RFTN1: variants seen among roughly 807,000 people sequenced by gnomAD.
RFTN1 encodes raftlin, lipid raft linker 1, also known as raftlin.
A neutral mutation model predicts 46.5 loss-of-function variants in RFTN1; 26 were observed. The ratio of observed to expected loss-of-function variants is 0.56; its 90% CI spans 0.41 to 0.78. The LOEUF is 0.78. Ranked by LOEUF, RFTN1 falls within the 30% of genes least tolerant of loss-of-function variation. The probability of loss-of-function intolerance (pLI) is 0.00; values close to 1 mark genes in which losing one functional copy is unlikely to be tolerated. For synonymous variants in RFTN1, 261 were observed against 284.2 expected (o/e 0.92, Z 0.82); for missense variants, 693 against 718.7 (o/e 0.96, Z 0.41).
rs918879678 is a variant in RFTN1 at position 16,499,453 on chromosome 3, T to C, written c.-8-5576A>G. On this transcript the variant is annotated intron_variant, in intron 1 of 9. Transcript: ENST00000334133. The surrounding 1 kb of genome is among the most constrained non-coding windows in gnomAD (Gnocchi z 4.9). ...TCAAGTAGCCCCAAAGAGGGGCCCATGTGGAGAGGAACCGACAGCCAGGAC... is the reference window on the plus strand; with the variant it reads ...TCAAGTAGCCCCAAAGAGGGGCCCACGTGGAGAGGAACCGACAGCCAGGAC... 2.6e-5 allele frequency among the ~76,000 whole-genome samples: 4 copies of C among 152,130 alleles called. No homozygotes were observed. Among genetic ancestry groups the C allele is most frequent in the Non-Finnish European group, 4.4e-5 (3 of 68,006 alleles).
chr3:16,324,585 C>T (rs1359664517), intron 8 of RFTN1, among the ~76,000 whole-genome samples: 1 of 144,060 alleles, frequency 6.9e-6, no homozygotes, highest in Non-Finnish European at 1.5e-5. Context: ...CCAGGCTCAT[C>T]CTTGTAATAA....
At chr3:16,510,191 T>A (rs2076872628) in intron 1 of RFTN1, among the ~76,000 whole-genome samples, 1 of 152,160 alleles carries the variant, frequency 6.6e-6, no homozygotes, top group African/African-American at 2.4e-5. Flanking sequence ...CAAAGCCAAA[T>A]CTGACCTGCC....
rs773303927 is a variant in RFTN1, at chr3:16,322,024, G to C, written c.1332+1352C>G. On this transcript the variant is annotated intron_variant, in intron 9 of 9. Transcript: ENST00000334133. This position sits in a 1 kb window ranked among gnomAD's most constrained non-coding sequence, Gnocchi z 6.2. The stretch of plus-strand genomic sequence containing the variant: ...ATCTCCCTCTGTAAGGCTGCAGCGG[G>C]TGTCTGTCAGCATCTGACAGGGGCC... Among the ~76,000 whole-genome samples the C allele has an allele frequency of 2.0e-5, 3 of 152,242 alleles. No individual in the cohort carries two copies. Among genetic ancestry groups the C allele is most frequent in the Non-Finnish European group, 4.4e-5 (3 of 68,050 alleles).
At chr3:16,405,699 A>G (rs2074840319) in intron 4 of RFTN1, among the ~76,000 whole-genome samples, 1 of 152,204 alleles carries the variant, frequency 6.6e-6, no homozygotes, top group Non-Finnish European at 1.5e-5. Context: ...AATTTAAAAC[A>G]TTTGGTGGAA....
chr3:16,397,972 C>T (rs566228400), intron 4 of RFTN1, among the ~76,000 whole-genome samples: 5 of 152,198 alleles, frequency 3.3e-5, no homozygotes, highest in Non-Finnish European at 5.9e-5. Flanking sequence ...ATGGGCCGGG[C>T]GCGGTGGCTC....
At position 16,433,740 on chromosome 3, in the gene RFTN1, G is replaced by A. The variant is rs528160408; in HGVS notation, c.332+111C>T. 8.0e-6 allele frequency: 9 copies of A among 1,128,292 alleles called. No homozygotes were observed. The highest frequency in any genetic ancestry group is 1.2e-5 in the Non-Finnish European group (9 of 749,292). The allele number at this position is 1,128,292 out of a possible 1,614,324, so 69.9% of individuals were successfully genotyped here. A position where few individuals can be genotyped will look rare whatever the true frequency, so the allele number is the denominator to read the frequency against. On this transcript the variant is annotated intron_variant, in intron 3 of 9. Coordinates refer to ENST00000334133, the MANE Select transcript of RFTN1 (RefSeq NM_015150.2). This position sits in a 1 kb window ranked among gnomAD's most constrained non-coding sequence, Gnocchi z 4.4. ...TCACCTGTCTGAGGGCTGAGGCCCT[G>A]AGGACAGCATGCAAATTTCAACCCC...
At position 16,500,572 on chromosome 3, in the gene RFTN1, A is replaced by G. The variant is rs1311507066; in HGVS notation, c.-8-6695T>C. On this transcript the variant is annotated intron_variant, in intron 1 of 9. Coordinates refer to ENST00000334133, the MANE Select transcript of RFTN1 (RefSeq NM_015150.2). This position sits in a 1 kb window ranked among gnomAD's most constrained non-coding sequence, Gnocchi z 5.9. ...CTAAAGAGGAAAATAAAGTAATCAG[A>G]AGAAGGTTCCGAGACCCGAACTGCA... Among the ~76,000 whole-genome samples, 3 of 152,332 alleles carry G rather than the reference A, an allele frequency of 2.0e-5. No homozygotes were observed. Among genetic ancestry groups the G allele is most frequent in the Non-Finnish European group, 4.4e-5 (3 of 68,018 alleles).
In RFTN1 at chr3:16,337,741, A is replaced by C. The variant is rs2070996140; in HGVS notation, c.1147-10865T>G. On this transcript the variant is annotated intron_variant, in intron 7 of 9. Transcript: ENST00000334133. This position sits in a 1 kb window ranked among gnomAD's most constrained non-coding sequence, Gnocchi z 5.0. Reference sequence around the variant, plus strand: ...TGGCGACAGAGCGAGACTCCATCTCAAAAAAAAAAAAAAAAAGAAAAGAAA... The same window carrying C: ...TGGCGACAGAGCGAGACTCCATCTCCAAAAAAAAAAAAAAAAGAAAAGAAA... Among the ~76,000 whole-genome samples the C allele has an allele frequency of 1.3e-5, 1 of 74,202 alleles. No individual in the cohort carries two copies. Among genetic ancestry groups the C allele is most frequent in the Admixed American group, 1.3e-4 (1 of 7,938 alleles). The allele number at this position is 74,202 out of a possible 152,430, so 48.7% of individuals were successfully genotyped here.
intron 1 of RFTN1, among the ~76,000 whole-genome samples, chr3:16,496,542 T>C (rs2076629005): frequency 6.6e-6 from 1 of 152,198 alleles, no homozygotes. Flanking sequence ...TTAACAGGCA[T>C]CTACCAGAAT....
chr3:16,413,180 AC>A lies in RFTN1; in HGVS notation c.333-3698del, dbSNP rs776127769. On this transcript the variant is annotated intron_variant, in intron 3 of 9. Coordinates refer to ENST00000334133, the MANE Select transcript of RFTN1 (RefSeq NM_015150.2). This position sits in a 1 kb window ranked among gnomAD's most constrained non-coding sequence, Gnocchi z 4.7. ...GGCAGTTTCATGCTTAGAACAGGCC[AC>A]CCACTGGTGACCAGGCCTAGGCCCA... Among the ~76,000 whole-genome samples the A allele has an allele frequency of 3.3e-5, 5 of 152,240 alleles. No homozygotes were observed. The highest frequency in any genetic ancestry group is 4.8e-5 in the African/African-American group (2 of 41,460).
chr3:16,494,153 A>T (rs866191977), intron 1 of RFTN1, among the ~76,000 whole-genome samples: 1 of 152,140 alleles, frequency 6.6e-6, no homozygotes, highest in Middle Eastern at 3.4e-3. Context: ...TTTTTTCCCC[A>T]TCTGAGGAAA....
chr3:16,471,499 G>A (rs755905424), intron 2 of RFTN1, among the ~76,000 whole-genome samples: 3 of 152,180 alleles, frequency 2.0e-5, no homozygotes, highest in Non-Finnish European at 4.4e-5. Flanking sequence ...ATAGCAACTT[G>A]GTGCACAGTC....
intron 4 of RFTN1, among the ~76,000 whole-genome samples, chr3:16,386,670 G>A (rs2074187111): frequency 6.6e-6 from 1 of 152,206 alleles, no homozygotes; most frequent in Non-Finnish European, 1.5e-5. Context: ...GCAATGAGAT[G>A]CCATCATGAC....
chr3:16,488,758 C>A (rs1465246945), intron 2 of RFTN1, among the ~76,000 whole-genome samples: 1 of 152,214 alleles, frequency 6.6e-6, no homozygotes, highest in Non-Finnish European at 1.5e-5. Flanking sequence ...CCTCTTTGGG[C>A]AAGTTACTTA....
At chr3:16,482,056 C>T (rs540629671) in intron 2 of RFTN1, among the ~76,000 whole-genome samples, 1 of 152,236 alleles carries the variant, frequency 6.6e-6, no homozygotes, top group Admixed American at 6.5e-5. Flanking sequence ...TTGACCAACA[C>T]TCATGTTCTT....
intron 3 of RFTN1, among the ~76,000 whole-genome samples, chr3:16,414,433 C>G (rs2075036052): frequency 1.3e-5 from 2 of 151,830 alleles, no homozygotes; most frequent in African/African-American, 2.4e-5. Context: ...ATGGCAAACC[C>G]CCATCTCTAC....
At position 16,433,910 on chromosome 3, in the gene RFTN1, C is replaced by T. The variant is rs756825841; in HGVS notation, c.273G>A (p.Glu91=). The T allele has an allele frequency of 4.3e-6, 7 of 1,614,198 alleles. No homozygotes were observed. Among genetic ancestry groups the T allele is most frequent in the South Asian group, 3.3e-5 (3 of 91,082 alleles). ...ALHPFVQPTH[E]REKTPLEHIF... is the part of the protein sequence containing the mutation. Reference sequence around the variant, plus strand: ...TGTGCTCCAGGGGCGTCTTCTCCCGCTCATGGGTGGGCTGCACGAAGGGGT... The same window carrying T: ...TGTGCTCCAGGGGCGTCTTCTCCCGTTCATGGGTGGGCTGCACGAAGGGGT... The change falls in exon 3 of 10, where the codon GAG becomes GAA. Residue 91 remains glutamate (E), a synonymous_variant. Transcript: ENST00000334133. This position sits in a 1 kb window ranked among gnomAD's most constrained non-coding sequence, Gnocchi z 4.4.
Position 16,356,329 on chromosome 3 carries a change from C to G in RFTN1, c.1146+1603G>C, listed in dbSNP as rs1478228930. ...TGGGGCTGATCTCACACCAGGCTGT[C>G]ACCTGGTTCCTGACTTCCCTCAGGA... On this transcript the variant is annotated intron_variant, in intron 7 of 9. Coordinates refer to ENST00000334133, the MANE Select transcript of RFTN1 (RefSeq NM_015150.2). The surrounding 1 kb of genome is among the most constrained non-coding windows in gnomAD (Gnocchi z 4.9). Among the ~76,000 whole-genome samples, 1 of 152,316 alleles carries G rather than the reference C, an allele frequency of 6.6e-6. No homozygotes were observed. Among genetic ancestry groups the G allele is most frequent in the East Asian group, 1.9e-4 (1 of 5,180 alleles).
intron 4 of RFTN1, among the ~76,000 whole-genome samples, chr3:16,394,493 T>C (rs1346628132): frequency 3.3e-5 from 5 of 152,102 alleles, no homozygotes; most frequent in Admixed American, 6.5e-5. Context: ...AAAGACACCA[T>C]TTATACAAAC....
Sources: allele counts gnomAD v4.1 joint callset (sites outside exome capture counted in the v4.1 genomes callset), GRCh38; gene constraint gnomAD v4.1.1; non-coding constraint Gnocchi (gnomAD v3.1); transcripts MANE v1.5; gene names NCBI Gene and HGNC (gene_info 2026-07-23, HGNC 2026-07-21).